IQGAP2: variants seen among roughly 807,000 people sequenced by gnomAD.
IQGAP2 encodes IQ motif containing GTPase activating protein 2, also known as ras GTPase-activating-like protein IQGAP2.
In IQGAP2, 173 loss-of-function variants were observed where a neutral mutation model predicts 201.3. That is an observed-to-expected ratio of 0.86 (90% CI 0.76 to 0.98). The LOEUF (loss-of-function observed/expected upper bound fraction) is 0.98. Ranked by LOEUF, IQGAP2 falls within the 50% of genes least tolerant of loss-of-function variation. IQGAP2 has a pLI of 0.00. For synonymous variants in IQGAP2, 675 were observed against 673.9 expected (o/e 1.00, Z -0.03); for missense variants, 1,687 against 1,864.8 (o/e 0.90, Z 1.76).
intron 2 of IQGAP2, among the ~76,000 whole-genome samples, chr5:76,467,246 T>C (rs559840914): frequency 6.6e-6 from 1 of 152,264 alleles, no homozygotes. Context: ...AGAGCAAGAC[T>C]CTGTCTCAAA....
chr5:76,658,352 C>T, intron 20 of IQGAP2, 107 bp from the exon 21 acceptor site: 1 of 927,872 alleles, frequency 1.1e-6, no homozygotes, highest in Non-Finnish European at 1.7e-6. Flanking sequence ...AGACCAAGTA[C>T]TTTCATTGGT....
intron 2 of IQGAP2, among the ~76,000 whole-genome samples, chr5:76,468,536 C>A (rs1475957739): frequency 6.6e-6 from 1 of 152,196 alleles, no homozygotes; most frequent in Non-Finnish European, 1.5e-5. Flanking sequence ...TGCTAGCCCG[C>A]CAAAGGATTC....
intron 2 of IQGAP2, among the ~76,000 whole-genome samples, chr5:76,498,114 A>G (rs1330690773): frequency 6.6e-6 from 1 of 152,212 alleles, no homozygotes; most frequent in Non-Finnish European, 1.5e-5. Context: ...AGTAAGAGCA[A>G]AAAGCCTGTG....
In IQGAP2 at chr5:76,645,964, T is replaced by C. The variant is rs1561545814; in HGVS notation, c.2094+4861T>C. ...TCTCAGATAATTGAAATTAAGTGTT[T>C]TTGGAGTTTAGGTAATTCCAGAAGA... On this transcript the variant is annotated intron_variant, in intron 17 of 35. Coordinates refer to ENST00000274364, the MANE Select transcript of IQGAP2 (RefSeq NM_006633.5). 2.6e-5 allele frequency among the ~76,000 whole-genome samples: 4 copies of C among 152,202 alleles called. No individual in the cohort carries two copies. In the South Asian group the frequency reaches 8.3e-4, roughly 32 times the overall value.
intron 2 of IQGAP2, among the ~76,000 whole-genome samples, chr5:76,488,201 C>G (rs1348397258): frequency 1.3e-5 from 2 of 152,160 alleles, no homozygotes; most frequent in Non-Finnish European, 2.9e-5. Context: ...AATTCCTAAT[C>G]CTCATTTAAA....
chr5:76,675,241 C>A (rs1207812207), intron 27 of IQGAP2, among the ~76,000 whole-genome samples: 1 of 152,114 alleles, frequency 6.6e-6, no homozygotes. Flanking sequence ...CCCACATATA[C>A]AAACAGATGA....
chr5:76,643,929 T>TC (rs1751795205), intron 17 of IQGAP2, among the ~76,000 whole-genome samples: 1 of 151,676 alleles, frequency 6.6e-6, no homozygotes, highest in Non-Finnish European at 1.5e-5. Flanking sequence ...TGGATTTTTT[T>TC]TACCTTTGAG....
intron 5 of IQGAP2, among the ~76,000 whole-genome samples, chr5:76,584,996 A>C (rs902598369): frequency 1.3e-5 from 2 of 152,246 alleles, no homozygotes; most frequent in African/African-American, 4.8e-5. Flanking sequence ...GAAGAACCAA[A>C]GATAAAACTC....
At chr5:76,440,760 C>T (rs1045016916) in intron 1 of IQGAP2, among the ~76,000 whole-genome samples, 2 of 151,422 alleles carry the variant, frequency 1.3e-5, no homozygotes, top group Admixed American at 6.6e-5. Flanking sequence ...GGGCCCTGGC[C>T]GGGTGCAGTG....
At chr5:76,689,367 C>A (rs1369076672) in intron 30 of IQGAP2, among the ~76,000 whole-genome samples, 1 of 151,568 alleles carries the variant, frequency 6.6e-6, no homozygotes, top group Non-Finnish European at 1.5e-5. Context: ...GCCTCGCCAT[C>A]AGTTTTCTCC....
chr5:76,586,805 G>A (rs547083852), intron 5 of IQGAP2, among the ~76,000 whole-genome samples: 52 of 152,252 alleles, frequency 3.4e-4, no homozygotes, highest in Admixed American at 9.1e-4. Flanking sequence ...GGGAGCCTGC[G>A]TGACACTCCA....
chr5:76,679,777 G>T (rs1745125353), intron 28 of IQGAP2, among the ~76,000 whole-genome samples: 1 of 152,064 alleles, frequency 6.6e-6, no homozygotes, highest in Non-Finnish European at 1.5e-5. Context: ...CCCGGTCTTT[G>T]TATCACCTCT....
chr5:76,686,396 G>C (rs10447162), intron 30 of IQGAP2, among the ~76,000 whole-genome samples: 110,801 of 150,532 alleles, frequency 0.74, 41,129 homozygotes, highest in African/African-American at 0.83. Flanking sequence ...CCAATGTTTT[G>C]TTCTAAAGGT....
chr5:76,654,171 G>A, intron 18 of IQGAP2, 29 bp from the exon 19 acceptor site: 1 of 1,489,720 alleles, frequency 6.7e-7, no homozygotes, highest in Non-Finnish European at 9.3e-7. Context: ...ATTTTTTGTT[G>A]TACTTTTCTA....
At chr5:76,409,919 C>T (rs1751016777) in intron 1 of IQGAP2, among the ~76,000 whole-genome samples, 1 of 152,174 alleles carries the variant, frequency 6.6e-6, no homozygotes, top group South Asian at 2.1e-4. Context: ...CTTCCATTGC[C>T]TGCCTCAGTA....
chr5:76,655,056 G>A, intron 20 of IQGAP2, 53 bp downstream of exon 20: 1 of 1,299,962 alleles, frequency 7.7e-7, no homozygotes, highest in Non-Finnish European at 1.1e-6. Flanking sequence ...ACCAGGCAAG[G>A]ACATATTGGT....
At chr5:76,542,976 G>A (rs1442815683) in intron 2 of IQGAP2, among the ~76,000 whole-genome samples, 1 of 152,214 alleles carries the variant, frequency 6.6e-6, no homozygotes, top group Admixed American at 6.5e-5. Flanking sequence ...TAAGGCACAA[G>A]AAATACAAAT....
intron 10 of IQGAP2, among the ~76,000 whole-genome samples, chr5:76,598,406 G>A (rs1374510473): frequency 1.3e-5 from 2 of 151,966 alleles, no homozygotes; most frequent in Non-Finnish European, 2.9e-5. Flanking sequence ...ACAATAAAGA[G>A]AGGCCAAAAA....
At chr5:76,533,046 T>C (rs1759406813) in intron 2 of IQGAP2, among the ~76,000 whole-genome samples, 1 of 152,220 alleles carries the variant, frequency 6.6e-6, no homozygotes, top group Non-Finnish European at 1.5e-5. Context: ...GGGTGCTGAA[T>C]GGGGATCTCA....
Sources: allele counts gnomAD v4.1 joint callset (sites outside exome capture counted in the v4.1 genomes callset), GRCh38; gene constraint gnomAD v4.1.1; transcripts MANE v1.5; gene names NCBI Gene and HGNC (gene_info 2026-07-23, HGNC 2026-07-21).